CCNY: variants seen among roughly 807,000 people sequenced by gnomAD.
The protein encoded by CCNY is cyclin-Y.
A neutral mutation model predicts 42.8 loss-of-function variants in CCNY; 19 were observed. That is an observed-to-expected ratio of 0.44 (90% CI 0.31 to 0.65). The LOEUF is 0.65. CCNY is among the 30% of genes least tolerant of loss of function. The pLI is 0.07. For missense variants in CCNY, 370 were observed against 437.3 expected, an observed-to-expected ratio of 0.85 and a Z score of 1.37; for synonymous variants, 165 against 162.7, an observed-to-expected ratio of 1.01 and a Z score of -0.11.
intron 1 of CCNY, among the ~76,000 whole-genome samples, chr10:35,383,559 T>C (rs374248296): frequency 2.6e-5 from 4 of 152,286 alleles, no homozygotes; most frequent in South Asian, 4.1e-4. Flanking sequence ...CTGCCCACCT[T>C]GGCCTCCCAA....
intron 1 of CCNY, among the ~76,000 whole-genome samples, chr10:35,389,654 G>A (rs1378912538): frequency 6.6e-6 from 1 of 152,012 alleles, no homozygotes; most frequent in East Asian, 1.9e-4. Flanking sequence ...GGCAAGGCTG[G>A]TCTTGAACCC....
At chr10:35,328,523 C>T (rs1835904550) in intron 3 of CCNY, among the ~76,000 whole-genome samples, 1 of 152,146 alleles carries the variant, frequency 6.6e-6, no homozygotes, top group Non-Finnish European at 1.5e-5. Flanking sequence ...AACTAAGCAA[C>T]AAGAAGACTC....
At chr10:35,527,495 C>A (rs1840676123) in intron 5 of CCNY, among the ~76,000 whole-genome samples, 2 of 152,160 alleles carry the variant, frequency 1.3e-5, no homozygotes, top group African/African-American at 4.8e-5. Flanking sequence ...TCTTTACATG[C>A]TTTAATAACA....
chr10:35,502,553 G>T (rs1280563718), intron 3 of CCNY, among the ~76,000 whole-genome samples: 3 of 152,176 alleles, frequency 2.0e-5, no homozygotes, highest in Non-Finnish European at 4.4e-5. Flanking sequence ...TTAGGAGACT[G>T]ATGACTTCTT....
chr10:35,252,458 C>T (rs529449699), intron 3 of CCNY, among the ~76,000 whole-genome samples: 17 of 148,248 alleles, frequency 1.1e-4, no homozygotes, highest in Non-Finnish European at 8.9e-5. Flanking sequence ...CCCAGCTACT[C>T]GGGAGGCTGA....
At chr10:35,516,661 C>CTTCCTTT (rs1166900318) in intron 4 of CCNY, 38 bp downstream of exon 4, 10 of 327,586 alleles carry the variant, frequency 3.1e-5, no homozygotes, top group African/African-American at 2.5e-4. Context: ...TCCTTCCTTC[C>CTTCCTTT]TTTTTTTTTT....
intron 1 of CCNY, among the ~76,000 whole-genome samples, chr10:35,350,819 G>A (rs1836414449): frequency 6.6e-6 from 1 of 152,210 alleles, no homozygotes; most frequent in South Asian, 2.1e-4. Context: ...TCTTGAAATA[G>A]AGGTTTAGAA....
At chr10:35,499,094 G>A (rs571862747) in intron 2 of CCNY, among the ~76,000 whole-genome samples, 1 of 151,954 alleles carries the variant, frequency 6.6e-6, no homozygotes, top group African/African-American at 2.4e-5. Flanking sequence ...TGGCATATGT[G>A]TTTATAATAT....
chr10:35,298,816 C>T (rs531562537), intron 3 of CCNY, among the ~76,000 whole-genome samples: 2 of 152,236 alleles, frequency 1.3e-5, no homozygotes, highest in East Asian at 3.9e-4. Flanking sequence ...GCCATTGCAC[C>T]TGGCCTTGTT....
chr10:35,305,295 CT>C (rs1433453282), intron 3 of CCNY, among the ~76,000 whole-genome samples: 3 of 152,180 alleles, frequency 2.0e-5, no homozygotes, highest in Non-Finnish European at 4.4e-5. Context: ...TAATTCCCCC[CT>C]GCTAAGGAGT....
intron 1 of CCNY, among the ~76,000 whole-genome samples, chr10:35,447,683 G>A (rs746201938): frequency 4.6e-5 from 7 of 152,156 alleles, no homozygotes; most frequent in Admixed American, 6.5e-5. Flanking sequence ...CCCAAGGGTA[G>A]CATTTCTGCC....
intron 1 of CCNY, among the ~76,000 whole-genome samples, chr10:35,352,549 C>T (rs756527091): frequency 3.3e-5 from 5 of 152,176 alleles, no homozygotes; most frequent in Admixed American, 1.3e-4. Context: ...TGTGGGAATT[C>T]GAGCTTCAGT....
At chr10:35,486,747 T>A (rs547461020) in intron 2 of CCNY, among the ~76,000 whole-genome samples, 1 of 152,256 alleles carries the variant, frequency 6.6e-6, no homozygotes, top group Non-Finnish European at 1.5e-5. Context: ...TGTGTACTTC[T>A]GTGCTTCCGC....
At chr10:35,269,471 G>A (rs2095728927) in intron 3 of CCNY, among the ~76,000 whole-genome samples, 1 of 151,074 alleles carries the variant, frequency 6.6e-6, no homozygotes, top group South Asian at 2.1e-4. Context: ...ACCTGGCTAA[G>A]TTTTGTATTT....
chr10:35,438,100 A>T (rs1464768274), intron 1 of CCNY, among the ~76,000 whole-genome samples: 3 of 151,360 alleles, frequency 2.0e-5, no homozygotes, highest in Admixed American at 6.6e-5. Flanking sequence ...CGTCCAGGAG[A>T]CACTGCTGTG....
chr10:35,421,146 G>A (rs906417214), intron 1 of CCNY, among the ~76,000 whole-genome samples: 1 of 152,178 alleles, frequency 6.6e-6, no homozygotes, highest in Admixed American at 6.5e-5. Context: ...ACGGCCACAC[G>A]GGTTGGACAG....
At chr10:35,533,906 C>G (rs1363973759) in intron 7 of CCNY, among the ~76,000 whole-genome samples, 2 of 152,196 alleles carry the variant, frequency 1.3e-5, no homozygotes, top group African/African-American at 4.8e-5. Context: ...TAACTGCCTA[C>G]TGGCTGAAGT....
At chr10:35,415,245 A>C (rs1837999126) in intron 1 of CCNY, among the ~76,000 whole-genome samples, 1 of 150,458 alleles carries the variant, frequency 6.6e-6, no homozygotes, top group South Asian at 2.1e-4. Flanking sequence ...GGGCAGAAAG[A>C]CTTTTGGGTC....
At chr10:35,265,584 TG>T (rs1157263085) in intron 3 of CCNY, among the ~76,000 whole-genome samples, 2 of 152,174 alleles carry the variant, frequency 1.3e-5, no homozygotes, top group East Asian at 1.9e-4. Flanking sequence ...CGTTGAGAGC[TG>T]GGGGAGACAG....
Sources: allele counts gnomAD v4.1 joint callset (sites outside exome capture counted in the v4.1 genomes callset), GRCh38; gene constraint gnomAD v4.1.1; transcripts MANE v1.5; gene names NCBI Gene and HGNC (gene_info 2026-07-23, HGNC 2026-07-21).